Variants in RELN observed in about 807,000 individuals in gnomAD.
RELN encodes the protein reelin.
Under a neutral mutation model 427.6 loss-of-function variants are expected in RELN, and 108 were observed. That is an observed-to-expected ratio of 0.25 (90% confidence interval 0.22 to 0.30). The LOEUF (loss-of-function observed/expected upper bound fraction) is 0.30, where lower values mean the gene tolerates loss of function less well. RELN is among the 10% of genes least tolerant of loss of function. The pLI, the probability that RELN is intolerant of heterozygous loss-of-function variation, is 1.00. For missense variants in RELN, 3,715 were observed against 4,302.8 expected, an observed-to-expected ratio of 0.86 and a Z score of 3.82; for synonymous variants, 1,524 against 1,513.4, an observed-to-expected ratio of 1.01 and a Z score of -0.16.
At chr7:103,950,773 A>G (rs768562239) in intron 1 of RELN, among the ~76,000 whole-genome samples, 1 of 152,214 alleles carries the variant, frequency 6.6e-6, no homozygotes, top group African/African-American at 2.4e-5. Context: ...TTTCCTTTCC[A>G]ATGTTGGATA....
At chr7:103,524,821 C>CA (rs1225678258) in intron 46 of RELN, among the ~76,000 whole-genome samples, 3 of 152,152 alleles carry the variant, frequency 2.0e-5, no homozygotes, top group African/African-American at 7.2e-5. Flanking sequence ...CGTCTATGTA[C>CA]AAACTGGTTT....
intron 63 of RELN, chr7:103,478,598 A>T: frequency 1.8e-6 from 1 of 555,364 alleles, no homozygotes; most frequent in Non-Finnish European, 3.2e-6. Context: ...TTTTCTATGT[A>T]ATGTAACATG....
chr7:103,663,984 T>C (rs1207068009), intron 11 of RELN, among the ~76,000 whole-genome samples: 3 of 152,148 alleles, frequency 2.0e-5, no homozygotes, highest in Non-Finnish European at 4.4e-5. Flanking sequence ...GTCCGATTCC[T>C]TTTCCCTCAC....
At chr7:103,782,403 T>C (rs1791913941) in intron 3 of RELN, among the ~76,000 whole-genome samples, 1 of 152,112 alleles carries the variant, frequency 6.6e-6, no homozygotes, top group Non-Finnish European at 1.5e-5. Flanking sequence ...TTTGGACAAC[T>C]TCTTTAATCA....
At position 103,808,670 on chromosome 7, in the gene RELN, G is replaced by C. The variant is rs550982897; in HGVS notation, c.473+24867C>G. 3.9e-5 allele frequency among the ~76,000 whole-genome samples: 6 copies of C among 151,988 alleles called. No homozygotes were observed. In the South Asian group the frequency reaches 1.2e-3, roughly 32 times the overall value. ...TATTCACAAGGAAAAAAATCTCTTG[G>C]AAATTTGAAATACTATGGCAGAACT... On this transcript the variant is annotated intron_variant, in intron 3 of 64. Transcript: ENST00000428762.
At chr7:103,862,038 G>C (rs1794082260) in intron 2 of RELN, among the ~76,000 whole-genome samples, 1 of 152,142 alleles carries the variant, frequency 6.6e-6, no homozygotes, top group South Asian at 2.1e-4. Flanking sequence ...GCTTATGAAT[G>C]AATTTGGTGG....
Position 103,989,281 on chromosome 7 carries a change from C to CCG in RELN, c.74_75dup (p.Ala26ArgfsTer52), listed in dbSNP as rs1797172045. 6.2e-7 allele frequency: 1 copy of CCG among 1,613,012 alleles called. No individual in the cohort carries two copies. Among genetic ancestry groups the CCG allele is most frequent in the South Asian group, 1.1e-5 (1 of 91,068 alleles). On this transcript the variant is annotated frameshift_variant, in exon 1 of 65. Coordinates refer to ENST00000428762, the MANE Select transcript of RELN (RefSeq NM_005045.4). LOFTEE classifies it high-confidence loss of function. This position sits in a 1 kb window ranked among gnomAD's most constrained non-coding sequence, Gnocchi z 4.9. The stretch of plus-strand genomic sequence containing the variant: ...GAAAAGCGGGGGTAATAGCCAGCCG[C>CCG]CGCGCGCGCCCTCAGCGTCGCCCCC...
chr7:103,567,802 T>A (rs1341190708), intron 31 of RELN, among the ~76,000 whole-genome samples: 1 of 149,872 alleles, frequency 6.7e-6, no homozygotes, highest in Non-Finnish European at 1.5e-5. Flanking sequence ...TATATATATA[T>A]ATATTTTAAT....
chr7:103,630,529 G>A (rs757386161), intron 19 of RELN, among the ~76,000 whole-genome samples: 12 of 152,180 alleles, frequency 7.9e-5, no homozygotes, highest in Admixed American at 2.0e-4. Context: ...CATGAGTTTA[G>A]CATAGTGTGT....
intron 55 of RELN, 133 bp from the exon 56 acceptor site, chr7:103,496,901 A>C (rs894906436): frequency 1.1e-6 from 1 of 928,214 alleles, no homozygotes. Context: ...GATTTTCCTG[A>C]CTTTGATATT....
chr7:103,482,237 C>A (rs1204734806), intron 63 of RELN: 1 of 153,790 alleles, frequency 6.5e-6, no homozygotes, highest in African/African-American at 2.4e-5. Flanking sequence ...CAGTCCGAAC[C>A]CGTCGAGACA....
intron 11 of RELN, among the ~76,000 whole-genome samples, chr7:103,662,204 G>A (rs1833158344): frequency 6.6e-6 from 1 of 152,198 alleles, no homozygotes; most frequent in African/African-American, 2.4e-5. Context: ...GAGATGAAGA[G>A]AGGTTAAGAA....
At chr7:103,568,617 C>G (rs185927183) in intron 31 of RELN, among the ~76,000 whole-genome samples, 1 of 152,166 alleles carries the variant, frequency 6.6e-6, no homozygotes, top group African/African-American at 2.4e-5. Flanking sequence ...GGCATAAGCT[C>G]TAGTCTCCAA....
At position 103,629,910 on chromosome 7, in the gene RELN, T is replaced by G. The variant is rs189594066; in HGVS notation, c.2702+30A>C. Reference sequence around the variant, plus strand: ...CTCATGTTCTAATTCCTAGTGCAAATTGTAACAATAACAATGATGAAATCC... The same window carrying G: ...CTCATGTTCTAATTCCTAGTGCAAAGTGTAACAATAACAATGATGAAATCC... On this transcript the variant is annotated intron_variant, in intron 20 of 64. Transcript: ENST00000428762. The G allele has an allele frequency of 3.3e-4, 436 of 1,326,958 alleles. 1 individual carries two copies. In the South Asian group the frequency reaches 4.9e-3, roughly 15 times the overall value. The allele number at this position is 1,326,958 out of a possible 1,614,324, so 82.2% of individuals were successfully genotyped here.
chr7:103,909,384 G>C (rs2116646077), intron 2 of RELN, among the ~76,000 whole-genome samples: 1 of 151,694 alleles, frequency 6.6e-6, no homozygotes, highest in South Asian at 2.1e-4. Flanking sequence ...TCCTGGCAAT[G>C]AAACATTACC....
At position 103,589,728 on chromosome 7, in the gene RELN, C is replaced by T. The variant is rs779501656; in HGVS notation, c.4013G>A (p.Cys1338Tyr). 7.4e-6 allele frequency: 12 copies of T among 1,613,810 alleles called. No homozygotes were observed. The highest frequency in any genetic ancestry group is 2.2e-5 in the East Asian group (1 of 44,876). Reference protein sequence around the residue: ...GMSWFLVKEGCYPASAGKGCE... With the variant: ...GMSWFLVKEGYYPASAGKGCE... ...TCCTTTGCCTGCAGAAGCCGGGTAA[C>T]AGCCTTCTTTCACCAGAAACCAGGA... Residue 1338 changes from cysteine (C) to tyrosine (Y), a missense_variant, in exon 28 of 65, where the codon TGT becomes TAT. By Grantham distance (194) the Cys-to-Tyr change is radical. Transcript: ENST00000428762.
intron 4 of RELN, among the ~76,000 whole-genome samples, chr7:103,763,714 T>C (rs1396338092): frequency 6.6e-6 from 1 of 151,738 alleles, no homozygotes; most frequent in Non-Finnish European, 1.5e-5. Flanking sequence ...AAATAAAGAG[T>C]CTGGTGTCAG....
At chr7:103,970,475 TC>T (rs1257008653) in intron 1 of RELN, among the ~76,000 whole-genome samples, 1 of 148,576 alleles carries the variant, frequency 6.7e-6, no homozygotes, top group African/African-American at 2.6e-5. Flanking sequence ...TATTTCTTTT[TC>T]TTTTTCTTTT....
At chr7:103,500,230 T>C (rs1289787971) in intron 53 of RELN, among the ~76,000 whole-genome samples, 1 of 152,200 alleles carries the variant, frequency 6.6e-6, no homozygotes, top group African/African-American at 2.4e-5. Flanking sequence ...GCTAAAGCTT[T>C]CAAAAGTGAC....
Sources: gnomAD v4.1 joint callset for allele counts (sites outside exome capture counted in the v4.1 genomes callset) on GRCh38, gnomAD v4.1.1 for gene constraint, Gnocchi (gnomAD v3.1) non-coding constraint, MANE v1.5 for transcripts, NCBI Gene and HGNC (gene_info 2026-07-23, HGNC 2026-07-21) for gene names.